The following C5 variants were observed in gnomAD, a reference collection of about 807,000 sequenced individuals.
C5 encodes the protein complement C5.
Under a neutral mutation model 218.8 loss-of-function variants are expected in C5, and 140 were observed. The observed-to-expected ratio is 0.64, with a 90% CI of 0.56 to 0.74. The LOEUF is 0.74. Among genes scored for constraint, C5 ranks in the 30% least tolerant of loss-of-function variants. The pLI, the probability that C5 is intolerant of heterozygous loss-of-function variation, is 0.00. For synonymous variants in C5, 614 were observed against 682.3 expected, an observed-to-expected ratio of 0.90 and a Z score of 1.56; for missense variants, 1,700 against 1,969.6, an observed-to-expected ratio of 0.86 and a Z score of 2.59.
chr9:121,060,304 C>T, the C5 span, among the ~76,000 whole-genome samples: 10 of 152,160 alleles, frequency 6.6e-5, no homozygotes, highest in Non-Finnish European at 1.2e-4. Flanking sequence ...TGCTTAGGTG[C>T]GACAGCTTTT....
At position 120,953,747 on chromosome 9, in the gene C5, T is replaced by C. The variant is rs1290117730; in HGVS notation, c.4884A>G (p.Lys1628=). 1.2e-6 allele frequency: 2 copies of C among 1,614,116 alleles called. No individual in the cohort carries two copies. Among genetic ancestry groups the C allele is most frequent in the South Asian group, 2.2e-5 (2 of 91,074 alleles). ...TGACTTACCTGAAACTGAAATTGTA[T>C]TTTATCTGGAGGGCTTCTTTACCCA... The part of the protein sequence containing the change: ...LIMGKEALQI[K]YNFSFRYIYP... The change falls in exon 40 of 41, where the codon AAA becomes AAG. Residue 1628 remains lysine (K), a synonymous_variant. Transcript: ENST00000223642.
chr9:121,002,281 CGTATATAT>C (rs1423350109), intron 20 of C5, among the ~76,000 whole-genome samples: 2 of 76,104 alleles, frequency 2.6e-5, no homozygotes, highest in African/African-American at 4.5e-5. Flanking sequence ...TGTATATATA[CGTATATAT>C]GTATATATGT....
the C5 span, among the ~76,000 whole-genome samples, chr9:121,065,457 C>G: frequency 5.3e-5 from 8 of 150,542 alleles, no homozygotes; most frequent in African/African-American, 1.9e-4. Context: ...TACAGCATTA[C>G]TTTTTTTGTT....
the C5 span, among the ~76,000 whole-genome samples, chr9:121,074,574 G>C: frequency 1.3e-5 from 2 of 152,220 alleles, no homozygotes; most frequent in South Asian, 2.1e-4. Context: ...CATCAGAAGT[G>C]GGGGAGGCCG....
upstream of C5, among the ~76,000 whole-genome samples, chr9:121,053,713 T>C (rs949480802): frequency 1.3e-5 from 2 of 152,200 alleles, no homozygotes; most frequent in African/African-American, 4.8e-5. Flanking sequence ...GGAAAGAGAA[T>C]CCGTGTGCTT....
intron 7 of C5, 83 bp from the exon 8 acceptor site, chr9:121,027,357 G>C (rs182543418): frequency 7.5e-5 from 57 of 760,740 alleles, no homozygotes; most frequent in Admixed American, 3.2e-4. Flanking sequence ...TTGAAATTAC[G>C]TAAAGCACTT....
In C5 at chr9:121,042,952, T is replaced by G. The variant is rs1368560188; in HGVS notation, c.421+52A>C. The stretch of plus-strand genomic sequence containing the variant: ...GGTATTAAAAAGCTCTACAATATAG[T>G]GTCAATACTGTCAAATCCCCCACCC... On this transcript the variant is annotated intron_variant, in intron 3 of 40. Transcript: ENST00000223642. 4 of 1,422,084 alleles carry G rather than the reference T, an allele frequency of 2.8e-6. No individual in the cohort carries two copies. In the African/African-American group the frequency reaches 4.2e-5, roughly 15 times the overall value. The allele number at this position is 1,422,084 out of a possible 1,614,324, so 88.1% of individuals were successfully genotyped here.
chr9:121,064,614 G>A, the C5 span, among the ~76,000 whole-genome samples: 1 of 151,802 alleles, frequency 6.6e-6, no homozygotes. Flanking sequence ...CTTTAATTTT[G>A]TATTTCTATC....
intron 19 of C5, 28 bp from the exon 20 acceptor site, chr9:121,006,086 A>C (rs1319806458): frequency 6.2e-7 from 1 of 1,611,632 alleles, no homozygotes; most frequent in Non-Finnish European, 8.5e-7. Context: ...AGCAAAGTAG[A>C]ATCATATTAG....
chr9:121,013,674 T>C (rs1338497761), intron 17 of C5, among the ~76,000 whole-genome samples, 199 bp downstream of exon 17: 1 of 152,216 alleles, frequency 6.6e-6, no homozygotes, highest in Non-Finnish European at 1.5e-5. Flanking sequence ...GTCTTAACTC[T>C]GGCCTAGTGT....
chr9:120,980,078 T>G lies in C5; in HGVS notation c.3658+5A>C. Reference sequence around the variant, plus strand: ...CACTGAATACATGTATGGAACAAGTTATACCTTTAACCAAAGCTTCTCTCT... The same window carrying G: ...CACTGAATACATGTATGGAACAAGTGATACCTTTAACCAAAGCTTCTCTCT... On this transcript the variant is annotated splice_donor_5th_base_variant and intron_variant, in intron 28 of 40. Coordinates refer to ENST00000223642, the MANE Select transcript of C5 (RefSeq NM_001735.3). 1.9e-6 allele frequency: 3 copies of G among 1,613,866 alleles called. No individual in the cohort carries two copies. The Admixed American group carries it at 5.0e-5, about 27-fold the overall frequency.
intron 17 of C5, among the ~76,000 whole-genome samples, chr9:121,013,088 G>C (rs2047275574): frequency 6.6e-6 from 1 of 152,130 alleles, no homozygotes; most frequent in Non-Finnish European, 1.5e-5. Flanking sequence ...GGGAGGCCGA[G>C]GTGGACGGAT....
intron 30 of C5, among the ~76,000 whole-genome samples, chr9:120,972,561 A>T (rs1212379939): frequency 1.3e-5 from 2 of 151,812 alleles, no homozygotes; most frequent in East Asian, 3.9e-4. Flanking sequence ...CTAGCACCCC[A>T]CTCAAGCCTG....
upstream of C5, among the ~76,000 whole-genome samples, chr9:121,050,666 T>C (rs2047665219): frequency 6.6e-6 from 1 of 152,182 alleles, no homozygotes. Context: ...AGTTTCACAC[T>C]GAAATGATTT....
At chr9:121,025,713 A>G in intron 8 of C5, 133 bp from the exon 9 acceptor site, 1 of 794,296 alleles carries the variant, frequency 1.3e-6, no homozygotes, top group South Asian at 1.5e-5. Flanking sequence ...AAAGTAAAGT[A>G]GATAACCGAG....
chr9:121,072,303 C>T, the C5 span, among the ~76,000 whole-genome samples: 1 of 152,128 alleles, frequency 6.6e-6, no homozygotes, highest in Non-Finnish European at 1.5e-5. Context: ...TGATAATGAA[C>T]TACATCAGCA....
chr9:121,024,589 C>T (rs1355616881), intron 9 of C5, among the ~76,000 whole-genome samples: 1 of 152,054 alleles, frequency 6.6e-6, no homozygotes, highest in African/African-American at 2.4e-5. Context: ...ATCTACTCTT[C>T]TTCATCTGCC....
chr9:121,073,622 T>C, the C5 span, among the ~76,000 whole-genome samples: 1 of 146,500 alleles, frequency 6.8e-6, no homozygotes, highest in Non-Finnish European at 1.5e-5. Flanking sequence ...GTTCAAGCGA[T>C]CCTCCTGCAG....
At chr9:121,014,632 T>C (rs928621353) in intron 16 of C5, among the ~76,000 whole-genome samples, 4 of 152,172 alleles carry the variant, frequency 2.6e-5, no homozygotes, top group African/African-American at 7.2e-5. Context: ...ATAACTCATA[T>C]ACAAATGGAA....
Sources: allele counts gnomAD v4.1 joint callset (sites outside exome capture counted in the v4.1 genomes callset), GRCh38; gene constraint gnomAD v4.1.1; transcripts MANE v1.5; gene names NCBI Gene and HGNC (gene_info 2026-07-23, HGNC 2026-07-21).